DYNLRB2: variants seen among roughly 807,000 people sequenced by gnomAD.
DYNLRB2 encodes the protein dynein light chain roadblock-type 2, also known as bithoraxoid-like protein.
DYNLRB2 carries 14 observed loss-of-function variants against 12.6 expected under a neutral mutation model. The ratio of observed to expected loss-of-function variants is 1.11; its 90% CI spans 0.73 to 1.73. DYNLRB2 has a LOEUF of 1.73. Ranked by LOEUF, DYNLRB2 falls within the 40% of genes most tolerant of loss-of-function variation. The pLI is 0.00. For synonymous variants in DYNLRB2, 53 were observed against 37.0 expected (o/e 1.43, Z -1.57); for missense variants, 142 against 117.7 (o/e 1.21, Z -0.95).
Position 80,549,479 on chromosome 16 carries a change from A to G in DYNLRB2, c.80-5A>G, listed in dbSNP as rs1447354195. On this transcript the variant is annotated splice_region_variant and splice_polypyrimidine_tract_variant and intron_variant, in intron 2 of 3. Transcript: ENST00000305904. Reference sequence around the variant, plus strand: ...AATATTAACCAAAATTAAATTTCATAATAGGTATTCCCATCCGAACAACCT... The same window carrying G: ...AATATTAACCAAAATTAAATTTCATGATAGGTATTCCCATCCGAACAACCT... The G allele has an allele frequency of 6.3e-7, 1 of 1,578,004 alleles. No homozygotes were observed. The highest frequency in any genetic ancestry group is 8.6e-7 in the Non-Finnish European group (1 of 1,158,350).
chr16:80,548,046 G>T, intron 2 of DYNLRB2: 1 of 312,904 alleles, frequency 3.2e-6, no homozygotes, highest in Non-Finnish European at 6.2e-6. Context: ...TCTTGAAAGC[G>T]CTTGTCTCGT....
At chr16:80,542,220 G>A (rs1326305275) in intron 1 of DYNLRB2, among the ~76,000 whole-genome samples, 2 of 152,138 alleles carry the variant, frequency 1.3e-5, no homozygotes, top group Admixed American at 1.3e-4. Flanking sequence ...TTCCATTTGT[G>A]GTAGTGACAT....
intron 1 of DYNLRB2, chr16:80,541,497 G>A (rs2142303268): frequency 1.7e-6 from 1 of 604,204 alleles, no homozygotes; most frequent in Non-Finnish European, 2.1e-6. Flanking sequence ...GGGAATGGAA[G>A]GGTGAGAAGG....
In DYNLRB2 at chr16:80,550,565, G is replaced by A. The variant is rs777509627; in HGVS notation, c.*7G>A. The A allele has an allele frequency of 2.1e-5, 34 of 1,614,012 alleles. No homozygotes were observed. The highest frequency in any genetic ancestry group is 1.1e-4 in the South Asian group (10 of 91,082). On this transcript the variant is annotated 3_prime_UTR_variant, in exon 4 of 4. Transcript: ENST00000305904. ...TCAGAATCCATGTGAATAGACCTGC[G>A]ATGGCCAAGGCTGTTTAAGCGACAC...
intron 2 of DYNLRB2, among the ~76,000 whole-genome samples, chr16:80,545,689 A>C (rs1904415361): frequency 1.3e-4 from 1 of 7,642 alleles, no homozygotes. Flanking sequence ...TTTTTTTGAG[A>C]TGGAGTCTCT....
intron 1 of DYNLRB2, chr16:80,541,408 G>A (rs1329868339): frequency 1.0e-6 from 1 of 984,364 alleles, no homozygotes; most frequent in Non-Finnish European, 1.2e-6. Flanking sequence ...AGTTTCCAAA[G>A]AGGGGGCGGG....
intron 2 of DYNLRB2, among the ~76,000 whole-genome samples, chr16:80,548,362 G>T (rs988250276): frequency 3.3e-5 from 5 of 152,146 alleles, no homozygotes; most frequent in Admixed American, 2.6e-4. Context: ...CAACTGAATT[G>T]AATTACACTT....
chr16:80,541,627 A>G (rs1904289576), intron 1 of DYNLRB2, among the ~76,000 whole-genome samples: 1 of 146,590 alleles, frequency 6.8e-6, no homozygotes, highest in African/African-American at 2.5e-5. Flanking sequence ...GTGGAAAGCA[A>G]AGGGCGTTAA....
At chr16:80,540,963 T>G (rs1192380771), upstream of DYNLRB2, 2 of 1,559,638 alleles carry the variant, frequency 1.3e-6, no homozygotes, top group East Asian at 4.7e-5. Flanking sequence ...GGCGCAGCCC[T>G]GACGCTTCCG....
At chr16:80,545,556 C>A (rs1338160005) in intron 2 of DYNLRB2, among the ~76,000 whole-genome samples, 1 of 151,870 alleles carries the variant, frequency 6.6e-6, no homozygotes, top group African/African-American at 2.4e-5. Context: ...CAGTGATCAC[C>A]CTGGGTAGTG....
chr16:80,547,802 T>G (rs1597093234), intron 2 of DYNLRB2: 1 of 456,544 alleles, frequency 2.2e-6, no homozygotes, highest in Non-Finnish European at 4.4e-6. Context: ...GCTGACTGCC[T>G]TCCAGAGAAA....
chr16:80,547,502 C>T (rs1265673658), intron 2 of DYNLRB2, among the ~76,000 whole-genome samples: 1 of 40,366 alleles, frequency 2.5e-5, no homozygotes, highest in African/African-American at 3.5e-5. Context: ...TTCCACCGTG[C>T]ACACTTATTC....
Position 80,548,284 on chromosome 16 carries a change from A to G in DYNLRB2, c.80-1200A>G, listed in dbSNP as rs140849484. 4.4e-5 allele frequency: 7 copies of G among 160,840 alleles called. No homozygotes were observed. In the East Asian group the frequency reaches 1.3e-3, roughly 29 times the overall value. 10.0% of individuals were successfully genotyped at this position (160,840 alleles called of 1,614,324 possible). On this transcript the variant is annotated intron_variant, in intron 2 of 3. Coordinates refer to ENST00000305904, the MANE Select transcript of DYNLRB2 (RefSeq NM_130897.3). ...GGATTAGATACGATATATATAAAAT[A>G]CCTAGCACAGTGCCTGGTACATAAT...
chr16:80,541,180 C>T, intron 1 of DYNLRB2, 101 bp downstream of exon 1: 2 of 1,481,768 alleles, frequency 1.3e-6, no homozygotes, highest in Non-Finnish European at 9.0e-7. Context: ...ACGGGCGGTC[C>T]AGGGGCCGCG....
chr16:80,546,702 G>T (rs976953827), intron 2 of DYNLRB2, among the ~76,000 whole-genome samples: 1 of 152,112 alleles, frequency 6.6e-6, no homozygotes, highest in Non-Finnish European at 1.5e-5. Context: ...CAGATCTGTC[G>T]TATTTTCTTA....
At chr16:80,549,362 G>T in intron 2 of DYNLRB2, 122 bp from the exon 3 acceptor site, 1 of 979,242 alleles carries the variant, frequency 1.0e-6, no homozygotes. Context: ...TGTTACCAGA[G>T]AGGGATAAGC....
At chr16:80,547,924 A>G (rs1904580619) in intron 2 of DYNLRB2, 1 of 388,318 alleles carries the variant, frequency 2.6e-6, no homozygotes, top group Non-Finnish European at 5.2e-6. Context: ...AACATTCTGG[A>G]CATAGCAGTT....
Position 80,540,995 on chromosome 16 carries a change from C to G in DYNLRB2, c.-82C>G, listed in dbSNP as rs564071479. The G allele has an allele frequency of 1.3e-5, 21 of 1,587,718 alleles. No individual in the cohort carries two copies. In the African/African-American group the frequency reaches 2.6e-4, roughly 19 times the overall value. The stretch of plus-strand genomic sequence containing the variant: ...TCCGTGGGGCCACTTCCTTTTTTGT[C>G]TCCTAGCAACGGCGGGTAGCGTTGT... On this transcript the variant is annotated 5_prime_UTR_variant, in exon 1 of 4. Transcript: ENST00000305904.
intron 2 of DYNLRB2, chr16:80,544,793 T>C (rs563842409): frequency 1.3e-5 from 2 of 152,370 alleles, no homozygotes; most frequent in African/African-American, 4.8e-5. Flanking sequence ...TCTTCCTAGC[T>C]TCTGGTAGTT....
Sources: allele counts gnomAD v4.1 joint callset (sites outside exome capture counted in the v4.1 genomes callset), GRCh38; gene constraint gnomAD v4.1.1; transcripts MANE v1.5; gene names NCBI Gene and HGNC (gene_info 2026-07-23, HGNC 2026-07-21).